The following CNTN1 variants were observed in gnomAD, a reference collection of about 807,000 sequenced individuals.
The protein encoded by CNTN1 is contactin-1.
Under a neutral mutation model 126.4 loss-of-function variants are expected in CNTN1, and 38 were observed. That is an observed-to-expected ratio of 0.30 (90% CI 0.23 to 0.39). CNTN1 has a LOEUF of 0.39. CNTN1 is among the 10% of genes least tolerant of loss of function. The pLI, the probability that CNTN1 is intolerant of heterozygous loss-of-function variation, is 1.00. For missense variants in CNTN1, 1,009 were observed against 1,248.4 expected, an observed-to-expected ratio of 0.81 and a Z score of 2.89; for synonymous variants, 413 against 422.6, an observed-to-expected ratio of 0.98 and a Z score of 0.28.
At chr12:40,928,616 A>C (rs939034608) in intron 6 of CNTN1, among the ~76,000 whole-genome samples, 5 of 152,108 alleles carry the variant, frequency 3.3e-5, no homozygotes, top group African/African-American at 7.2e-5. Context: ...TGAAAAAATC[A>C]ATGTTGAAAA....
At chr12:40,706,059 G>T (rs1591992102) in intron 1 of CNTN1, among the ~76,000 whole-genome samples, 2 of 151,184 alleles carry the variant, frequency 1.3e-5, no homozygotes, top group East Asian at 3.9e-4. Flanking sequence ...ATGAGATTTG[G>T]GTGGCAACAG....
intron 1 of CNTN1, among the ~76,000 whole-genome samples, chr12:40,829,886 G>A (rs1018197235): frequency 6.6e-6 from 1 of 151,998 alleles, no homozygotes; most frequent in African/African-American, 2.4e-5. Context: ...AATGGAGGGG[G>A]GCAGAAACTT....
chr12:40,833,526 T>C (rs1433402662), intron 1 of CNTN1, among the ~76,000 whole-genome samples: 2 of 151,962 alleles, frequency 1.3e-5, no homozygotes, highest in African/African-American at 4.8e-5. Flanking sequence ...TAAATAGAAA[T>C]ATTATATTCC....
At chr12:40,733,453 T>C (rs1172262120) in intron 1 of CNTN1, among the ~76,000 whole-genome samples, 1 of 151,952 alleles carries the variant, frequency 6.6e-6, no homozygotes, top group Non-Finnish European at 1.5e-5. Context: ...CAAGCTATTA[T>C]TCTCAAAAGT....
At chr12:40,949,569 C>CT (rs36070275) in intron 14 of CNTN1, among the ~76,000 whole-genome samples, 1,086 of 64,360 alleles carry the variant, frequency 0.017, 126 homozygotes, top group African/African-American at 0.026. Context: ...TCTTTTCTTT[C>CT]TTTTTTTTTT....
intron 1 of CNTN1, among the ~76,000 whole-genome samples, chr12:40,720,259 A>G (rs535983937): frequency 6.6e-6 from 1 of 152,278 alleles, no homozygotes; most frequent in Admixed American, 6.5e-5. Flanking sequence ...TCAAAAGAGT[A>G]AGTTTTGAAA....
At chr12:40,889,929 T>C (rs2136724203) in intron 1 of CNTN1, among the ~76,000 whole-genome samples, 1 of 152,300 alleles carries the variant, frequency 6.6e-6, no homozygotes, top group Non-Finnish European at 1.5e-5. Context: ...TTAAAGGTAT[T>C]TGTGAACCAC....
intron 1 of CNTN1, among the ~76,000 whole-genome samples, chr12:40,802,894 GT>G (rs1191132384): frequency 1.7e-4 from 26 of 152,110 alleles, no homozygotes; most frequent in African/African-American, 5.5e-4. Flanking sequence ...TGGCCAGTCT[GT>G]TTTGCTTTGA....
Position 40,908,505 on chromosome 12 carries a change from C to T in CNTN1, c.61+12C>T, listed in dbSNP as rs766666613. ...TACCTGTTTAGCAGGTAAGAAATAT[C>T]CTTTGTATATTCTACATATATTATG... On this transcript the variant is annotated intron_variant, in intron 2 of 23. Transcript: ENST00000551295. The T allele has an allele frequency of 1.8e-5, 28 of 1,545,726 alleles. No homozygotes were observed. The highest frequency in any genetic ancestry group is 2.5e-5 in the Non-Finnish European group (28 of 1,120,242).
chr12:40,753,493 G>A (rs143031469), intron 1 of CNTN1, among the ~76,000 whole-genome samples: 2,982 of 152,168 alleles, frequency 0.02, 33 homozygotes, highest in African/African-American at 0.034. Context: ...CAATCATGGC[G>A]GAAGGGGAAG....
At chr12:41,061,606 T>C (rs764649312) in intron 23 of CNTN1, among the ~76,000 whole-genome samples, 3 of 152,220 alleles carry the variant, frequency 2.0e-5, no homozygotes, top group Non-Finnish European at 4.4e-5. Context: ...TCAACTTTGA[T>C]TAGCATAAAT....
At chr12:41,006,919 A>T (rs1329868897) in intron 17 of CNTN1, among the ~76,000 whole-genome samples, 1 of 152,198 alleles carries the variant, frequency 6.6e-6, no homozygotes, top group Admixed American at 6.5e-5. Flanking sequence ...AAGGCCAGTT[A>T]GGTGCTAAGC....
intron 16 of CNTN1, 59 bp from the exon 17 acceptor site, chr12:40,993,061 G>T: frequency 6.7e-7 from 1 of 1,485,926 alleles, no homozygotes; most frequent in East Asian, 2.3e-5. Flanking sequence ...AAAAAGGGAA[G>T]TTATAAAAGT....
intron 17 of CNTN1, among the ~76,000 whole-genome samples, chr12:41,014,009 A>T (rs1021324583): frequency 1.3e-5 from 2 of 152,244 alleles, no homozygotes; most frequent in Non-Finnish European, 2.9e-5. Context: ...CACACTTCCT[A>T]TGGCACCAAA....
chr12:40,701,153 C>A (rs1941584782), intron 1 of CNTN1, among the ~76,000 whole-genome samples: 1 of 152,064 alleles, frequency 6.6e-6, no homozygotes, highest in African/African-American at 2.4e-5. Context: ...ATCCCTAGAC[C>A]CTCAAATAAA....
chr12:41,059,329 T>C (rs1339314243), intron 23 of CNTN1, among the ~76,000 whole-genome samples: 1 of 152,138 alleles, frequency 6.6e-6, no homozygotes, highest in Admixed American at 6.6e-5. Flanking sequence ...TGAGAAAGTT[T>C]CCAGGGTAGT....
At chr12:40,753,786 G>A (rs1192932981) in intron 1 of CNTN1, among the ~76,000 whole-genome samples, 4 of 152,040 alleles carry the variant, frequency 2.6e-5, no homozygotes, top group African/African-American at 9.7e-5. Context: ...AGAAAATTGA[G>A]ACTATATATT....
chr12:40,721,604 G>A (rs1481132137), intron 1 of CNTN1, among the ~76,000 whole-genome samples: 6 of 150,118 alleles, frequency 4.0e-5, no homozygotes, highest in Admixed American at 3.3e-4. Context: ...ACAATGTGCA[G>A]GTTAGTTACA....
chr12:40,807,473 A>C (rs1380962058), intron 1 of CNTN1, among the ~76,000 whole-genome samples: 1 of 152,108 alleles, frequency 6.6e-6, no homozygotes, highest in African/African-American at 2.4e-5. Flanking sequence ...CTTGTCTAAA[A>C]GCTAGTGCTA....
Sources: allele counts gnomAD v4.1 joint callset (sites outside exome capture counted in the v4.1 genomes callset), GRCh38; gene constraint gnomAD v4.1.1; transcripts MANE v1.5; gene names NCBI Gene and HGNC (gene_info 2026-07-23, HGNC 2026-07-21).